The following MYO1E variants were observed in gnomAD, a reference collection of about 807,000 sequenced individuals.
MYO1E encodes unconventional myosin-Ie.
Under a neutral mutation model 151.1 loss-of-function variants are expected in MYO1E, and 68 were observed. That is an observed-to-expected ratio of 0.45 (90% CI 0.37 to 0.55). The LOEUF is 0.55. Among genes scored for constraint, MYO1E ranks in the 20% least tolerant of loss-of-function variants. The pLI, the probability that MYO1E is intolerant of heterozygous loss-of-function variation, is 0.00. For missense variants in MYO1E, 1,363 were observed against 1,389.3 expected (o/e 0.98, Z 0.30); for synonymous variants, 601 against 501.7 (o/e 1.20, Z -2.64).
chr15:59,154,962 G>T (rs574913128), intron 25 of MYO1E, among the ~76,000 whole-genome samples: 1 of 152,328 alleles, frequency 6.6e-6, no homozygotes, highest in Middle Eastern at 3.4e-3. Flanking sequence ...CGTCAGACCA[G>T]ATCAGAACTA....
At chr15:59,209,603 G>A (rs1457024065) in intron 13 of MYO1E, among the ~76,000 whole-genome samples, 11 of 151,960 alleles carry the variant, frequency 7.2e-5, no homozygotes, top group Admixed American at 7.2e-4. Flanking sequence ...TTGAACCCGG[G>A]AGGTGGAGGT....
intron 25 of MYO1E, among the ~76,000 whole-genome samples, chr15:59,157,390 A>G (rs2079515092): frequency 6.6e-6 from 1 of 152,192 alleles, no homozygotes; most frequent in Non-Finnish European, 1.5e-5. Context: ...AACTTACAAA[A>G]TAGTAGCCCC....
At chr15:59,253,190 T>G (rs115644063) in intron 4 of MYO1E, among the ~76,000 whole-genome samples, 1,573 of 152,306 alleles carry the variant, frequency 0.01, 32 homozygotes, top group African/African-American at 0.036. Flanking sequence ...GGGCAACAAT[T>G]AATTGTTTTG....
At chr15:59,299,964 T>C (rs548097021) in intron 1 of MYO1E, among the ~76,000 whole-genome samples, 1 of 152,332 alleles carries the variant, frequency 6.6e-6, no homozygotes, top group South Asian at 2.1e-4. Flanking sequence ...TGTGATACCA[T>C]CTCCTATCTG....
chr15:59,268,106 T>C lies in MYO1E; in HGVS notation c.147+4200A>G, dbSNP rs1461331160. Among the ~76,000 whole-genome samples, 5 of 152,212 alleles carry C rather than the reference T, an allele frequency of 3.3e-5. No homozygotes were observed. In the East Asian group the frequency reaches 9.6e-4, roughly 29 times the overall value. On this transcript the variant is annotated intron_variant, in intron 2 of 27. Transcript: ENST00000288235. Reference sequence around the variant, plus strand: ...CTCTTCTCGTCTTAACAATTAAACATAGGAGAGGAAAAAACCCAACTCTTA... The same window carrying C: ...CTCTTCTCGTCTTAACAATTAAACACAGGAGAGGAAAAAACCCAACTCTTA...
At chr15:59,255,798 T>C (rs116555610) in intron 4 of MYO1E, among the ~76,000 whole-genome samples, 1,585 of 152,336 alleles carry the variant, frequency 0.01, 33 homozygotes, top group African/African-American at 0.036. Flanking sequence ...ATGTGGCCCA[T>C]GGCCTGCAGC....
chr15:59,282,026 C>T (rs1230285955), intron 1 of MYO1E, among the ~76,000 whole-genome samples: 1 of 152,050 alleles, frequency 6.6e-6, no homozygotes, highest in Non-Finnish European at 1.5e-5. Context: ...GTTGTACATA[C>T]CGATGTTAAG....
At chr15:59,185,942 G>T (rs1239687524) in intron 18 of MYO1E, among the ~76,000 whole-genome samples, 3 of 152,194 alleles carry the variant, frequency 2.0e-5, no homozygotes, top group Non-Finnish European at 2.9e-5. Flanking sequence ...TAAAATGTCA[G>T]TGGTCTGAGG....
chr15:59,217,804 A>T, intron 10 of MYO1E, 87 bp downstream of exon 10: 1 of 1,452,118 alleles, frequency 6.9e-7, no homozygotes, highest in Non-Finnish European at 9.7e-7. Context: ...CTGGGATTAC[A>T]GGTGTGAGCC....
At chr15:59,371,178 C>T (rs1368880139) in intron 1 of MYO1E, among the ~76,000 whole-genome samples, 2 of 152,194 alleles carry the variant, frequency 1.3e-5, no homozygotes, top group Non-Finnish European at 2.9e-5. Flanking sequence ...TGTAATCATT[C>T]TTTGGAATAA....
At chr15:59,180,990 G>T (rs2079655238) in intron 18 of MYO1E, among the ~76,000 whole-genome samples, 1 of 152,060 alleles carries the variant, frequency 6.6e-6, no homozygotes, top group African/African-American at 2.4e-5. Context: ...TTATCTCTTG[G>T]ATCACTGATC....
intron 27 of MYO1E, among the ~76,000 whole-genome samples, chr15:59,137,970 A>G (rs1196535035): frequency 2.6e-5 from 4 of 152,244 alleles, no homozygotes; most frequent in Admixed American, 2.6e-4. Context: ...TTTTGCTACC[A>G]TGAAGAAAAA....
At chr15:59,264,765 AG>A (rs1230694599) in intron 2 of MYO1E, 1 of 152,286 alleles carries the variant, frequency 6.6e-6, no homozygotes, top group African/African-American at 2.4e-5. Flanking sequence ...TCAAGCCTGT[AG>A]TCCTAGCACT....
rs574096243 is a variant in MYO1E at position 59,316,955 on chromosome 15, A to G, written c.4-44506T>C. Among the ~76,000 whole-genome samples the G allele has an allele frequency of 3.3e-5, 5 of 152,324 alleles. No individual in the cohort carries two copies. The East Asian group carries it at 5.8e-4, about 18-fold the overall frequency. On this transcript the variant is annotated intron_variant, in intron 1 of 27. Transcript: ENST00000288235. ...ATGGTCTTATCAGCAGCAGAGCTAA[A>G]TAAGATGCTCTTATTTAGTAACCTC...
At chr15:59,229,010 C>T (rs775347347) in intron 6 of MYO1E, among the ~76,000 whole-genome samples, 3 of 152,196 alleles carry the variant, frequency 2.0e-5, no homozygotes, top group African/African-American at 2.4e-5. Context: ...CATCGCTCTG[C>T]GGAATGTCAG....
intron 16 of MYO1E, among the ~76,000 whole-genome samples, chr15:59,200,482 G>GCT (rs1260841814): frequency 6.6e-6 from 1 of 151,628 alleles, no homozygotes; most frequent in African/African-American, 2.4e-5. Flanking sequence ...CGCTCAGAGG[G>GCT]CTCTACCCTA....
chr15:59,185,079 GTCTT>G (rs1394091281), intron 18 of MYO1E, among the ~76,000 whole-genome samples: 1 of 152,110 alleles, frequency 6.6e-6, no homozygotes, highest in Non-Finnish European at 1.5e-5. Flanking sequence ...CCATCAGCAT[GTCTT>G]TTTTTTGAGA....
chr15:59,267,507 T>C (rs572841399), intron 2 of MYO1E, among the ~76,000 whole-genome samples: 18 of 152,328 alleles, frequency 1.2e-4, no homozygotes, highest in South Asian at 4.1e-4. Flanking sequence ...TCTTGCTATA[T>C]AGCATGCTGC....
At chr15:59,194,890 G>T (rs1370293955) in intron 17 of MYO1E, among the ~76,000 whole-genome samples, 1 of 152,184 alleles carries the variant, frequency 6.6e-6, no homozygotes, top group East Asian at 1.9e-4. Flanking sequence ...GGGCAGAAAG[G>T]GTTTGCTGAA....
Sources: gnomAD v4.1 joint callset for allele counts (sites outside exome capture counted in the v4.1 genomes callset) on GRCh38, gnomAD v4.1.1 for gene constraint, MANE v1.5 for transcripts, NCBI Gene and HGNC (gene_info 2026-07-23, HGNC 2026-07-21) for gene names.